Variants in CRTC3 observed in about 807,000 individuals in gnomAD.
CRTC3 encodes the protein CREB regulated transcription coactivator 3, also known as CREB-regulated transcription coactivator 3.
In CRTC3, 26 loss-of-function variants were observed where a neutral mutation model predicts 74.5. The observed-to-expected ratio is 0.35, with a 90% confidence interval of 0.26 to 0.48. The LOEUF is 0.48. CRTC3 is among the 20% of genes least tolerant of loss of function. CRTC3 has a pLI of 0.99. For missense variants in CRTC3, 760 were observed against 787.3 expected, an observed-to-expected ratio of 0.97 and a Z score of 0.41; for synonymous variants, 377 against 325.8, an observed-to-expected ratio of 1.16 and a Z score of -1.69.
rs1403384305 is a variant in CRTC3 at position 90,593,604 on chromosome 15, G to A, written c.232-32G>A. ...GAGGGTGAGTGTCAATTTCATGGTT[G>A]GAGGCCAACTCTTCTTCCCTTCTCT... On this transcript the variant is annotated intron_variant, in intron 2 of 14. Transcript: ENST00000268184. 8 of 1,585,726 alleles carry A rather than the reference G, an allele frequency of 5.0e-6. No individual in the cohort carries two copies. The South Asian group carries it at 7.8e-5, about 15-fold the overall frequency.
chr15:90,587,519 C>G (rs932990297), intron 2 of CRTC3, among the ~76,000 whole-genome samples: 6 of 152,206 alleles, frequency 3.9e-5, no homozygotes, highest in Admixed American at 3.3e-4. Flanking sequence ...GTCCCATGTT[C>G]TGAAACAGTA....
chr15:90,625,266 C>T lies in CRTC3; in HGVS notation c.750-510C>T, dbSNP rs550133086. ...ATCATGGTGCCGCCAACATGCGGCC[C>T]GCTGCCTGGCACACAGTGCCTAGCC... On this transcript the variant is annotated intron_variant, in intron 9 of 14. Transcript: ENST00000268184. Among the ~76,000 whole-genome samples, 13 of 152,318 alleles carry T rather than the reference C, an allele frequency of 8.5e-5. No homozygotes were observed. In the South Asian group the frequency reaches 2.3e-3, roughly 27 times the overall value.
chr15:90,604,302 G>C (rs1968159794), intron 4 of CRTC3, 83 bp from the exon 5 acceptor site: 3 of 1,013,926 alleles, frequency 3.0e-6, no homozygotes, highest in Non-Finnish European at 4.7e-6. Flanking sequence ...AGAAGAGCCA[G>C]TTCTCAAATG....
chr15:90,564,904 ACCTTCCTTCCTTCCTT>A lies in CRTC3; in HGVS notation c.231+24808_231+24823del, dbSNP rs71154112. 3.2e-3 allele frequency among the ~76,000 whole-genome samples: 463 copies of A among 146,470 alleles called. 2 individuals carry two copies. The highest frequency in any genetic ancestry group is 0.01 in the African/African-American group (398 of 38,594). On this transcript the variant is annotated intron_variant, in intron 2 of 14. Coordinates refer to ENST00000268184, the MANE Select transcript of CRTC3 (RefSeq NM_022769.5). ...AGCCTTGTGTTCAACAATTTAACCAACCTTCCTTCCTTCCTTCCTTCCTTCCTTCCTTCCTTCCTTC... is the reference window on the plus strand; with the variant it reads ...AGCCTTGTGTTCAACAATTTAACCAACCTTCCTTCCTTCCTTCCTTCCTTC...
chr15:90,642,846 G>A lies in CRTC3; in HGVS notation c.*706G>A, dbSNP rs187074623. On this transcript the variant is annotated 3_prime_UTR_variant, in exon 15 of 15. Coordinates refer to ENST00000268184, the MANE Select transcript of CRTC3 (RefSeq NM_022769.5). ...ACCATTTTATCAGTCACTGAAAAGA[G>A]TCCCCTGGCACTGATGAGCCTGAAG... The A allele has an allele frequency of 1.7e-5, 4 of 233,068 alleles. No individual in the cohort carries two copies. In the Admixed American group the frequency reaches 2.2e-4, roughly 13 times the overall value. The allele number at this position is 233,068 out of a possible 1,614,324, so 14.4% of individuals were successfully genotyped here.
intron 2 of CRTC3, among the ~76,000 whole-genome samples, chr15:90,556,947 T>C (rs1038543731): frequency 7.1e-6 from 1 of 141,112 alleles, no homozygotes; most frequent in African/African-American, 2.7e-5. Flanking sequence ...CTCTTTATAA[T>C]CACCACATGG....
chr15:90,635,802 G>A (rs774613449), intron 11 of CRTC3, among the ~76,000 whole-genome samples: 50 of 152,110 alleles, frequency 3.3e-4, no homozygotes, highest in Admixed American at 4.6e-4. Flanking sequence ...AGATTCGATC[G>A]TGAAATTTCT....
chr15:90,530,091 C>G lies in CRTC3; in HGVS notation c.20C>G (p.Ser7Trp). Residue 7 changes from serine (S) to tryptophan (W), a missense_variant, in exon 1 of 15, where the codon TCG becomes TGG. Ser to Trp is a radical substitution (Grantham distance 177). This residue lies in a region of CRTC3 where 108 missense variants were observed against 152.1 expected (regional missense o/e 0.71). Transcript: ENST00000268184. This position sits in a 1 kb window ranked among gnomAD's most constrained non-coding sequence, Gnocchi z 6.2. MAASPGSGSANPRKFSE... is the reference protein window; with the variant it reads MAASPGWGSANPRKFSE... ...CGCGCCATGGCCGCCTCGCCGGGCT[C>G]GGGCAGCGCCAACCCGCGGAAGTTC... 6.9e-7 allele frequency: 1 copy of G among 1,442,488 alleles called. No homozygotes were observed. Among genetic ancestry groups the G allele is most frequent in the African/African-American group, 1.5e-5 (1 of 66,968 alleles). 89.4% of individuals were successfully genotyped at this position (1,442,488 alleles called of 1,614,324 possible).
intron 3 of CRTC3, among the ~76,000 whole-genome samples, chr15:90,600,976 G>A (rs944611065): frequency 5.3e-5 from 8 of 152,134 alleles, no homozygotes; most frequent in Non-Finnish European, 8.8e-5. Flanking sequence ...TGTGTTTGTG[G>A]AACTCAGAAA....
intron 5 of CRTC3, among the ~76,000 whole-genome samples, chr15:90,605,613 A>T (rs1968197077): frequency 7.2e-4 from 1 of 1,388 alleles, no homozygotes; most frequent in African/African-American, 3.5e-3. Context: ...GAATCTGTAA[A>T]AAGAGGCTGG....
intron 10 of CRTC3, among the ~76,000 whole-genome samples, 185 bp downstream of exon 10, chr15:90,626,178 T>A (rs770165379): frequency 1.1e-4 from 16 of 152,254 alleles, no homozygotes; most frequent in Admixed American, 9.8e-4. Flanking sequence ...CCTGGGTTGA[T>A]GAATTTGGGG....
chr15:90,539,820 G>C (rs1966774968), intron 1 of CRTC3: 1 of 527,188 alleles, frequency 1.9e-6, no homozygotes, highest in Non-Finnish European at 3.3e-6. Flanking sequence ...TACTATCATG[G>C]TATATGGGAC....
At chr15:90,609,991 G>C (rs1166909196) in intron 6 of CRTC3, among the ~76,000 whole-genome samples, 1 of 152,160 alleles carries the variant, frequency 6.6e-6, no homozygotes, top group Non-Finnish European at 1.5e-5. Flanking sequence ...CAGTTGCCTT[G>C]CAAGTATAGC....
intron 6 of CRTC3, among the ~76,000 whole-genome samples, chr15:90,611,874 C>T (rs1968362758): frequency 1.3e-5 from 2 of 152,280 alleles, no homozygotes; most frequent in South Asian, 2.1e-4. Flanking sequence ...CTGATCATGT[C>T]ACTTCTCCAA....
chr15:90,606,654 CTG>C (rs1479697588), intron 5 of CRTC3: 2 of 152,066 alleles, frequency 1.3e-5, no homozygotes, highest in Non-Finnish European at 2.9e-5. Context: ...AGAAATTAAA[CTG>C]AGAGATTTTT....
At chr15:90,584,572 T>G (rs1967616764) in intron 2 of CRTC3, among the ~76,000 whole-genome samples, 2 of 152,184 alleles carry the variant, frequency 1.3e-5, no homozygotes, top group African/African-American at 4.8e-5. Flanking sequence ...TGTGGTCTCA[T>G]TATGTCGTCC....
At position 90,586,337 on chromosome 15, in the gene CRTC3, T is replaced by A. The variant is rs74251762; in HGVS notation, c.232-7299T>A. The stretch of plus-strand genomic sequence containing the variant: ...CCTGGTTTTCTGCATGTTTTTAATA[T>A]ATTTTTTAAAACTTGGTAGAACTTC... On this transcript the variant is annotated intron_variant, in intron 2 of 14. Coordinates refer to ENST00000268184, the MANE Select transcript of CRTC3 (RefSeq NM_022769.5). Among the ~76,000 whole-genome samples, 1,130 of 151,242 alleles carry A rather than the reference T, an allele frequency of 7.5e-3. 45 individuals carry two copies. The East Asian group carries it at 0.12, about 15-fold the overall frequency.
chr15:90,540,450 C>T (rs540475573), intron 2 of CRTC3, among the ~76,000 whole-genome samples: 40 of 151,780 alleles, frequency 2.6e-4, no homozygotes, highest in Non-Finnish European at 4.6e-4. Context: ...CAAAATGCAG[C>T]TTTCTCATCT....
chr15:90,627,391 G>A (rs1166331371), intron 10 of CRTC3, among the ~76,000 whole-genome samples: 1 of 152,120 alleles, frequency 6.6e-6, no homozygotes, highest in African/African-American at 2.4e-5. Flanking sequence ...CAGAGTCTGG[G>A]CAATTCACCT....
Sources: gnomAD v4.1 joint callset for allele counts (sites outside exome capture counted in the v4.1 genomes callset) on GRCh38, gnomAD v4.1.1 for gene constraint, gnomAD v4.1.1 regional missense constraint, Gnocchi (gnomAD v3.1) non-coding constraint, MANE v1.5 for transcripts, NCBI Gene and HGNC (gene_info 2026-07-23, HGNC 2026-07-21) for gene names.